Variants in VAV2 observed in about 807,000 individuals in gnomAD.
VAV2 encodes vav guanine nucleotide exchange factor 2.
Under a neutral mutation model 132.5 loss-of-function variants are expected in VAV2, and 67 were observed. That is an observed-to-expected ratio of 0.51 (90% CI 0.42 to 0.62). The LOEUF (loss-of-function observed/expected upper bound fraction) is 0.62. Ranked by LOEUF, VAV2 falls within the 20% of genes least tolerant of loss-of-function variation. The pLI, the probability that VAV2 is intolerant of heterozygous loss-of-function variation, is 0.00. For synonymous variants in VAV2, 492 were observed against 443.5 expected (o/e 1.11, Z -1.37); for missense variants, 938 against 1,153.6 (o/e 0.81, Z 2.71).
At chr9:133,977,842 A>G (rs1588210901) in intron 1 of VAV2, among the ~76,000 whole-genome samples, 1 of 152,210 alleles carries the variant, frequency 6.6e-6, no homozygotes, top group East Asian at 1.9e-4. Flanking sequence ...CTGAGTCAGG[A>G]AGGCCACGCC....
chr9:133,937,959 A>G (rs1423835024), intron 2 of VAV2, among the ~76,000 whole-genome samples: 1 of 152,220 alleles, frequency 6.6e-6, no homozygotes. Flanking sequence ...GAGGAAGGGA[A>G]GCGCCAAGCC....
In VAV2 at chr9:133,884,060, G is replaced by C. The variant is rs965034885; in HGVS notation, c.322-22628C>G. On this transcript the variant is annotated intron_variant, in intron 2 of 29. Coordinates refer to ENST00000371850, the MANE Select transcript of VAV2 (RefSeq NM_001134398.2). The surrounding 1 kb of genome is among the most constrained non-coding windows in gnomAD (Gnocchi z 5.3). ...TGAGGCAGGGGAATCACTTGAACCC[G>C]GGAGGCGGAGGTTGCAGCGAGGCGG... is the stretch of plus-strand genomic sequence containing the variant. 6.6e-6 allele frequency among the ~76,000 whole-genome samples: 1 copy of C among 152,042 alleles called. No individual in the cohort carries two copies. The highest frequency in any genetic ancestry group is 1.9e-4 in the East Asian group (1 of 5,188).
intron 1 of VAV2, among the ~76,000 whole-genome samples, chr9:133,979,691 C>A (rs554406073): frequency 6.6e-6 from 1 of 152,230 alleles, no homozygotes; most frequent in Non-Finnish European, 1.5e-5. Context: ...CTCTGGCCCA[C>A]GAGGACCTCC....
At chr9:133,930,635 A>C (rs1840652861) in intron 2 of VAV2, among the ~76,000 whole-genome samples, 1 of 152,222 alleles carries the variant, frequency 6.6e-6, no homozygotes, top group Non-Finnish European at 1.5e-5. Context: ...CCCCAGCTCC[A>C]CTGTACCGCA....
chr9:133,851,575 G>C (rs1394679694), intron 3 of VAV2, among the ~76,000 whole-genome samples: 3 of 152,200 alleles, frequency 2.0e-5, no homozygotes, highest in Non-Finnish European at 4.4e-5. Flanking sequence ...TCACAACAGA[G>C]GTTGCAGCCT....
chr9:133,773,554 G>C (rs549627704), intron 25 of VAV2, among the ~76,000 whole-genome samples: 3 of 152,148 alleles, frequency 2.0e-5, no homozygotes, highest in Non-Finnish European at 4.4e-5. Context: ...TGAAGCTTGG[G>C]TAATAATACT....
At chr9:133,856,254 C>T (rs73663862) in intron 3 of VAV2, among the ~76,000 whole-genome samples, 2,206 of 152,284 alleles carry the variant, frequency 0.014, 55 homozygotes, top group African/African-American at 0.049. Context: ...CACTGAATTG[C>T]GTACTTTACA....
chr9:133,805,084 C>T (rs892022877), intron 9 of VAV2, among the ~76,000 whole-genome samples: 1 of 152,174 alleles, frequency 6.6e-6, no homozygotes, highest in Non-Finnish European at 1.5e-5. Flanking sequence ...GGCCTGTCCC[C>T]GGCTGCCTGG....
chr9:133,835,569 G>A lies in VAV2; in HGVS notation c.381-1229C>T, dbSNP rs184369970. Among the ~76,000 whole-genome samples, 827 of 152,310 alleles carry A rather than the reference G, an allele frequency of 5.4e-3. 6 individuals are homozygous for A. The highest frequency in any genetic ancestry group is 0.019 in the African/African-American group (795 of 41,570). On this transcript the variant is annotated intron_variant, in intron 3 of 29. Coordinates refer to ENST00000371850, the MANE Select transcript of VAV2 (RefSeq NM_001134398.2). ...ACAGCCCCCTGTAGCCCCAGGGTGC[G>A]TGTTCTGGTAGGAAACCTGTCACTA...
In VAV2 at chr9:133,826,108, A is replaced by G. The variant is rs565633440; in HGVS notation, c.449+8164T>C. On this transcript the variant is annotated intron_variant, in intron 4 of 29. Coordinates refer to ENST00000371850, the MANE Select transcript of VAV2 (RefSeq NM_001134398.2). The surrounding 1 kb of genome is among the most constrained non-coding windows in gnomAD (Gnocchi z 4.2). ...CCAGTGTTATGCAAAGCAGGCTCCT[A>G]AATCATAAAATTGTGGATTCCTCAA... is the stretch of plus-strand genomic sequence containing the variant. Among the ~76,000 whole-genome samples, 13 of 152,322 alleles carry G rather than the reference A, an allele frequency of 8.5e-5. No homozygotes were observed. The South Asian group carries it at 2.7e-3, about 32-fold the overall frequency.
chr9:133,911,400 C>T (rs1266025763), intron 2 of VAV2, among the ~76,000 whole-genome samples: 1 of 152,186 alleles, frequency 6.6e-6, no homozygotes, highest in African/African-American at 2.4e-5. Flanking sequence ...CGTTCAACTG[C>T]ATTGAATTTA....
intron 1 of VAV2, among the ~76,000 whole-genome samples, chr9:133,948,152 C>T (rs537428961): frequency 9.5e-4 from 144 of 152,336 alleles, no homozygotes; most frequent in Non-Finnish European, 1.6e-3. Flanking sequence ...TCCGAGGCCA[C>T]TCCAGCTCAT....
rs1189679391 is a variant in VAV2 at position 133,865,064 on chromosome 9, C to G, written c.322-3632G>C. On this transcript the variant is annotated intron_variant, in intron 2 of 29. Transcript: ENST00000371850. ...CAGAGGATAGGAAGCCTCAGTGCTC[C>G]CAGAGCCCAGGCACCGAAAACTCCA... is the stretch of plus-strand genomic sequence containing the variant. Among the ~76,000 whole-genome samples the G allele has an allele frequency of 2.0e-5, 3 of 152,308 alleles. No individual in the cohort carries two copies. In the East Asian group the frequency reaches 5.8e-4, roughly 29 times the overall value.
intron 1 of VAV2, among the ~76,000 whole-genome samples, chr9:133,989,469 G>A (rs1352346744): frequency 7.3e-5 from 11 of 151,622 alleles, no homozygotes; most frequent in African/African-American, 2.2e-4. Context: ...GCAGTGAGCC[G>A]GGACCGTGCC....
chr9:133,773,449 C>T (rs761830926), intron 25 of VAV2, among the ~76,000 whole-genome samples: 7 of 152,174 alleles, frequency 4.6e-5, no homozygotes, highest in South Asian at 2.1e-4. Context: ...ACTTTATCAA[C>T]GCTGGACACT....
chr9:133,942,936 G>C (rs150466377), intron 1 of VAV2, among the ~76,000 whole-genome samples: 2,541 of 152,298 alleles, frequency 0.017, 81 homozygotes, highest in African/African-American at 0.057. Flanking sequence ...GCCACGTCAG[G>C]CTCCACCTCG....
intron 2 of VAV2, among the ~76,000 whole-genome samples, chr9:133,905,567 G>A (rs528861821): frequency 3.6e-4 from 55 of 152,228 alleles, no homozygotes; most frequent in African/African-American, 1.3e-3. Context: ...CCTAGGCCCT[G>A]CCGACTGCCA....
intron 3 of VAV2, among the ~76,000 whole-genome samples, chr9:133,850,145 T>A (rs1450598081): frequency 6.6e-6 from 1 of 152,134 alleles, no homozygotes; most frequent in African/African-American, 2.4e-5. Context: ...CACATGGGCC[T>A]CCATTTGTAG....
At chr9:133,797,855 C>A (rs1340338976) in intron 9 of VAV2, 46 bp from the exon 10 acceptor site, 2 of 1,579,124 alleles carry the variant, frequency 1.3e-6, no homozygotes, top group Non-Finnish European at 8.6e-7. Flanking sequence ...ATTTAATGAG[C>A]AGCTCGGGGC....
Sources: gnomAD v4.1 joint callset for allele counts (sites outside exome capture counted in the v4.1 genomes callset) on GRCh38, gnomAD v4.1.1 for gene constraint, Gnocchi (gnomAD v3.1) non-coding constraint, MANE v1.5 for transcripts, NCBI Gene and HGNC (gene_info 2026-07-23, HGNC 2026-07-21) for gene names.